The following DLGAP2 variants were observed in gnomAD, a reference collection of about 807,000 sequenced individuals.
DLGAP2 encodes the protein DLG associated protein 2, also known as disks large-associated protein 2.
Under a neutral mutation model 100.3 loss-of-function variants are expected in DLGAP2, and 26 were observed. The ratio of observed to expected loss-of-function variants is 0.26; its 90% CI spans 0.19 to 0.36. The LOEUF (loss-of-function observed/expected upper bound fraction) is 0.36. DLGAP2 is among the 10% of genes least tolerant of loss of function. The pLI, the probability that DLGAP2 is intolerant of heterozygous loss-of-function variation, is 1.00. For synonymous variants in DLGAP2, 886 were observed against 630.1 expected, an observed-to-expected ratio of 1.41 and a Z score of -6.08; for missense variants, 1,858 against 1,453.2, an observed-to-expected ratio of 1.28 and a Z score of -4.53.
chr8:874,647 A>T (rs1163345871), intron 1 of DLGAP2, among the ~76,000 whole-genome samples: 1 of 152,008 alleles, frequency 6.6e-6, no homozygotes, highest in African/African-American at 2.4e-5. Flanking sequence ...ATATTCTGGG[A>T]ATGTTTTATG....
intron 3 of DLGAP2, among the ~76,000 whole-genome samples, chr8:1,328,597 C>T (rs879586675): frequency 2.6e-5 from 4 of 152,096 alleles, no homozygotes; most frequent in Admixed American, 1.3e-4. Flanking sequence ...GTGATCTGCC[C>T]GCCTTGGCCT....
At chr8:1,546,955 G>A (rs557393500) in intron 4 of DLGAP2, among the ~76,000 whole-genome samples, 9 of 152,294 alleles carry the variant, frequency 5.9e-5, no homozygotes, top group Middle Eastern at 3.4e-3. Context: ...ACGCTCAGCC[G>A]TCGAGGTGGC....
chr8:1,122,911 AG>A (rs764963852), intron 2 of DLGAP2, among the ~76,000 whole-genome samples: 16 of 152,308 alleles, frequency 1.1e-4, no homozygotes, highest in Non-Finnish European at 1.9e-4. Flanking sequence ...CTCTGGGAAG[AG>A]TGTGATACCA....
chr8:1,079,370 G>A (rs926503231), intron 2 of DLGAP2, among the ~76,000 whole-genome samples: 8 of 152,144 alleles, frequency 5.3e-5, no homozygotes, highest in African/African-American at 1.9e-4. Flanking sequence ...TAATAGGAGT[G>A]TGTGTGCTGT....
Position 1,701,471 on chromosome 8 carries a change from C to T in DLGAP2, c.*65C>T, listed in dbSNP as rs1206142452. On this transcript the variant is annotated 3_prime_UTR_variant, in exon 15 of 15. Coordinates refer to ENST00000637795, the MANE Select transcript of DLGAP2 (RefSeq NM_001346810.2). The stretch of plus-strand genomic sequence containing the variant: ...CCCGGACGCTTGTGCAGCGCGGCGC[C>T]GCCCTGGTGGTTTCTGTCTCCTCCT... 6 of 1,481,776 alleles carry T rather than the reference C, an allele frequency of 4.0e-6. No individual in the cohort carries two copies. Among genetic ancestry groups the T allele is most frequent in the Non-Finnish European group, 5.4e-6 (6 of 1,104,546 alleles). The allele number at this position is 1,481,776 out of a possible 1,614,324, so 91.8% of individuals were successfully genotyped here. A position where few individuals can be genotyped will look rare whatever the true frequency, so the allele number is the denominator to read the frequency against.
intron 6 of DLGAP2, among the ~76,000 whole-genome samples, chr8:1,602,303 G>C (rs888432021): frequency 6.6e-6 from 1 of 152,204 alleles, no homozygotes; most frequent in African/African-American, 2.4e-5. Flanking sequence ...CAGTGTTGCT[G>C]TTTCTAATTA....
intron 2 of DLGAP2, among the ~76,000 whole-genome samples, chr8:1,140,574 C>T (rs1237730416): frequency 1.3e-5 from 2 of 152,078 alleles, no homozygotes; most frequent in Non-Finnish European, 2.9e-5. Context: ...TATCAGAGGC[C>T]CCATAGGGCT....
chr8:1,428,719 C>T (rs188218631), intron 3 of DLGAP2, among the ~76,000 whole-genome samples: 75 of 152,204 alleles, frequency 4.9e-4, no homozygotes, highest in Non-Finnish European at 4.4e-5. Flanking sequence ...GCAAGGATGG[C>T]TCAGTGCCAG....
At chr8:750,656 C>A (rs1585823034) in intron 1 of DLGAP2, among the ~76,000 whole-genome samples, 1 of 152,208 alleles carries the variant, frequency 6.6e-6, no homozygotes, top group East Asian at 1.9e-4. Context: ...TGTCTGACTT[C>A]CACGGCACCT....
At chr8:1,561,644 C>T (rs1371600935) in intron 5 of DLGAP2, among the ~76,000 whole-genome samples, 2 of 152,154 alleles carry the variant, frequency 1.3e-5, no homozygotes, top group Non-Finnish European at 1.5e-5. Flanking sequence ...CCACCTGCAC[C>T]GTGACCCACA....
At chr8:796,883 C>T (rs563266293) in intron 1 of DLGAP2, among the ~76,000 whole-genome samples, 2 of 151,738 alleles carry the variant, frequency 1.3e-5, no homozygotes, top group East Asian at 1.9e-4. Flanking sequence ...CCCTTCACCC[C>T]ACCCTTTTTG....
At chr8:1,005,748 T>G (rs1801090595) in intron 2 of DLGAP2, among the ~76,000 whole-genome samples, 1 of 152,134 alleles carries the variant, frequency 6.6e-6, no homozygotes. Context: ...AGCCATGCCT[T>G]GTGCCCTGGG....
intron 4 of DLGAP2, among the ~76,000 whole-genome samples, chr8:1,524,458 C>T (rs535587282): frequency 6.6e-6 from 1 of 152,124 alleles, no homozygotes; most frequent in African/African-American, 2.4e-5. Context: ...GGAGCCCAGA[C>T]TGGGCGGCTT....
At chr8:1,180,925 G>A (rs1339516708) in intron 2 of DLGAP2, among the ~76,000 whole-genome samples, 1 of 142,086 alleles carries the variant, frequency 7.0e-6, no homozygotes. Flanking sequence ...GGCTGTGCAA[G>A]GGCAGTACAC....
At chr8:1,241,973 T>A (rs1798806434) in intron 2 of DLGAP2, among the ~76,000 whole-genome samples, 1 of 152,204 alleles carries the variant, frequency 6.6e-6, no homozygotes, top group African/African-American at 2.4e-5. Flanking sequence ...AACATTCCTT[T>A]ATGGCCCGAG....
intron 3 of DLGAP2, among the ~76,000 whole-genome samples, chr8:1,482,426 T>A (rs946511697): frequency 3.9e-5 from 6 of 152,252 alleles, no homozygotes; most frequent in African/African-American, 1.4e-4. Context: ...CTGAAAATCA[T>A]TGCATTTCTT....
intron 8 of DLGAP2, among the ~76,000 whole-genome samples, chr8:1,651,039 A>G (rs1234851851): frequency 6.6e-6 from 1 of 151,870 alleles, no homozygotes. Context: ...GAATTTTGGG[A>G]TTACATGGGG....
chr8:1,205,380 C>G lies in DLGAP2; in HGVS notation c.74-53471C>G, dbSNP rs1386113586. On this transcript the variant is annotated intron_variant, in intron 2 of 14. Transcript: ENST00000637795. ...AAGGAAGGGTCCAGAAGTGCAGGCT[C>G]TTCCTGAAAAGGCTCTAGAATCACA... Among the ~76,000 whole-genome samples the G allele has an allele frequency of 2.6e-5, 4 of 151,248 alleles. No homozygotes were observed. In the East Asian group the frequency reaches 5.8e-4, roughly 22 times the overall value.
At chr8:1,356,010 C>T (rs894922436) in intron 3 of DLGAP2, among the ~76,000 whole-genome samples, 18 of 152,118 alleles carry the variant, frequency 1.2e-4, no homozygotes, top group Admixed American at 2.6e-4. Flanking sequence ...TATTTCCCCC[C>T]TCCCTGCCTT....
Sources: allele counts gnomAD v4.1 joint callset (sites outside exome capture counted in the v4.1 genomes callset), GRCh38; gene constraint gnomAD v4.1.1; transcripts MANE v1.5; gene names NCBI Gene and HGNC (gene_info 2026-07-23, HGNC 2026-07-21).